Variants in TIMP2 observed in about 807,000 individuals in gnomAD.
The protein encoded by TIMP2 is TIMP metallopeptidase inhibitor 2.
In TIMP2, 5 loss-of-function variants were observed where a neutral mutation model predicts 24.3. The ratio of observed to expected loss-of-function variants is 0.21; its 90% CI spans 0.11 to 0.43. The LOEUF is 0.43. TIMP2 is among the 20% of genes least tolerant of loss of function. The pLI is 1.00. For missense variants in TIMP2, 221 were observed against 297.5 expected (o/e 0.74, Z 1.89); for synonymous variants, 130 against 123.2 (o/e 1.06, Z -0.37).
Position 78,891,554 on chromosome 17 carries a change from C to G in TIMP2, c.131-17635G>C. ...TGGGGACACGGCTTCCCTTCTGCAG[C>G]TGGAATCAGCTGGCCACAGCTGCCC... On this transcript the variant is annotated intron_variant, in intron 1 of 4. Coordinates refer to ENST00000262768, the MANE Select transcript of TIMP2 (RefSeq NM_003255.5). The surrounding 1 kb of genome is among the most constrained non-coding windows in gnomAD (Gnocchi z 4.5). 2 of 1,550,926 alleles carry G rather than the reference C, an allele frequency of 1.3e-6. No homozygotes were observed.
intron 1 of TIMP2, among the ~76,000 whole-genome samples, chr17:78,911,899 A>C (rs574865249): frequency 0.076 from 11,429 of 151,036 alleles, 493 homozygotes; most frequent in Middle Eastern, 0.13. Context: ...CACACCAAAA[A>C]AAAAAAAAAA....
chr17:78,855,365 G>A lies in TIMP2; in HGVS notation c.*302C>T, dbSNP rs543091357. On this transcript the variant is annotated 3_prime_UTR_variant, in exon 5 of 5. Coordinates refer to ENST00000262768, the MANE Select transcript of TIMP2 (RefSeq NM_003255.5). This position sits in a 1 kb window ranked among gnomAD's most constrained non-coding sequence, Gnocchi z 6.0. ...GTGCTGCCTGCTTGGCATCTGTGACGGTGCCAAGGCAGGGACTGGGAGGGA... is the reference window on the plus strand; with the variant it reads ...GTGCTGCCTGCTTGGCATCTGTGACAGTGCCAAGGCAGGGACTGGGAGGGA... The A allele has an allele frequency of 9.9e-5, 43 of 434,950 alleles. No individual in the cohort carries two copies. The East Asian group carries it at 1.6e-3, about 17-fold the overall frequency. The allele number at this position is 434,950 out of a possible 1,614,324, so 26.9% of individuals were successfully genotyped here. A position where few individuals can be genotyped will look rare whatever the true frequency, so the allele number is the denominator to read the frequency against.
intron 1 of TIMP2, among the ~76,000 whole-genome samples, chr17:78,887,935 G>T (rs971790780): frequency 6.6e-6 from 1 of 152,118 alleles, no homozygotes; most frequent in Non-Finnish European, 1.5e-5. Context: ...ACGCGATGAG[G>T]ATATGCTGCA....
intron 1 of TIMP2, among the ~76,000 whole-genome samples, chr17:78,909,918 G>A (rs917817866): frequency 1.3e-5 from 2 of 152,182 alleles, no homozygotes; most frequent in African/African-American, 4.8e-5. Flanking sequence ...ACAACCGGAG[G>A]CGGAGTGTCC....
intron 3 of TIMP2, among the ~76,000 whole-genome samples, chr17:78,865,009 G>A (rs1051588434): frequency 5.9e-5 from 9 of 152,056 alleles, no homozygotes; most frequent in Admixed American, 1.3e-4. Flanking sequence ...AGCCAAGATC[G>A]CGCCACTGCA....
chr17:78,916,888 G>A (rs887051804), intron 1 of TIMP2, among the ~76,000 whole-genome samples: 4 of 152,060 alleles, frequency 2.6e-5, no homozygotes, highest in East Asian at 1.9e-4. Context: ...ACCTTTCCTC[G>A]GGGCTTATCT....
chr17:78,915,918 T>C (rs981844265), intron 1 of TIMP2, among the ~76,000 whole-genome samples: 5 of 152,212 alleles, frequency 3.3e-5, no homozygotes, highest in South Asian at 4.1e-4. Flanking sequence ...GTCTGTACAA[T>C]GGGGATGAGG....
chr17:78,887,670 C>A (rs970990522), intron 1 of TIMP2, among the ~76,000 whole-genome samples: 16 of 150,016 alleles, frequency 1.1e-4, no homozygotes, highest in African/African-American at 3.0e-4. Context: ...CAGGTATGAG[C>A]AAACGCGCCC....
At chr17:78,890,598 A>G (rs762332162) in intron 1 of TIMP2, 1 of 1,528,388 alleles carries the variant, frequency 6.5e-7, no homozygotes, top group Middle Eastern at 1.7e-4. Context: ...TGGCAGCACC[A>G]TTATCAGTGA....
intron 1 of TIMP2, among the ~76,000 whole-genome samples, chr17:78,912,471 G>A (rs1347745000): frequency 2.0e-5 from 3 of 152,292 alleles, no homozygotes; most frequent in South Asian, 2.1e-4. Flanking sequence ...AGGGGGTCTC[G>A]GTACCCACAG....
chr17:78,887,395 ATTTAT>A (rs1423381579), intron 1 of TIMP2, among the ~76,000 whole-genome samples: 2 of 152,018 alleles, frequency 1.3e-5, no homozygotes, highest in Non-Finnish European at 2.9e-5. Flanking sequence ...AAATTTATTT[ATTTAT>A]TTTGAGATGG....
At chr17:78,858,660 A>G (rs971935169) in intron 3 of TIMP2, among the ~76,000 whole-genome samples, 20 of 152,220 alleles carry the variant, frequency 1.3e-4, no homozygotes, top group African/African-American at 4.6e-4. Flanking sequence ...AGCTGGGACT[A>G]TAGGTGTGAA....
rs2070336772 is a variant in TIMP2 at position 78,924,798 on chromosome 17, G to T, written c.130+161C>A. On this transcript the variant is annotated intron_variant, in intron 1 of 4. Transcript: ENST00000262768. The surrounding 1 kb of genome is among the most constrained non-coding windows in gnomAD (Gnocchi z 5.3). The stretch of plus-strand genomic sequence containing the variant: ...GAGGAGGGAGGGGGGAAAGAAAGTC[G>T]GCTCTGGGCGTCCACTTGCAGGATT... Among the ~76,000 whole-genome samples the T allele has an allele frequency of 6.6e-6, 1 of 151,978 alleles. No individual in the cohort carries two copies.
chr17:78,887,033 C>G (rs1159721628), intron 1 of TIMP2, among the ~76,000 whole-genome samples: 1 of 152,052 alleles, frequency 6.6e-6, no homozygotes, highest in Non-Finnish European at 1.5e-5. Context: ...CGAATTTCCT[C>G]TACTTGGCCT....
intron 1 of TIMP2, among the ~76,000 whole-genome samples, chr17:78,921,327 A>G (rs775528572): frequency 1.3e-5 from 2 of 152,244 alleles, no homozygotes; most frequent in Non-Finnish European, 2.9e-5. Flanking sequence ...GGGGATTTGC[A>G]GAGGACAGTT....
chr17:78,882,335 A>G (rs2069787424), intron 1 of TIMP2, among the ~76,000 whole-genome samples: 1 of 152,208 alleles, frequency 6.6e-6, no homozygotes, highest in Non-Finnish European at 1.5e-5. Flanking sequence ...CCTCTGCCCC[A>G]GCCACCCACA....
rs114990207 is a variant in TIMP2 at position 78,873,947 on chromosome 17, G to T, written c.131-28C>A. 8.1e-4 allele frequency: 1,299 copies of T among 1,603,624 alleles called. 4 individuals are homozygous for T. In the African/African-American group the frequency reaches 0.011, roughly 14 times the overall value. On this transcript the variant is annotated intron_variant, in intron 1 of 4. Coordinates refer to ENST00000262768, the MANE Select transcript of TIMP2 (RefSeq NM_003255.5). ...GCAAAACACAAGACACAGAGGTGAG[G>T]AGAGTTCCTGAAACACGCTCCTGGG...
Position 78,890,562 on chromosome 17 carries a change from G to C in TIMP2, c.131-16643C>G, listed in dbSNP as rs2069871609. ...TCTCTGAGGCAATGACGCAAACACA[G>C]ATCTTAGAGACCCGGGTACCAGTGC... On this transcript the variant is annotated intron_variant, in intron 1 of 4. Transcript: ENST00000262768. 4.8e-6 allele frequency: 7 copies of C among 1,450,310 alleles called. No homozygotes were observed. In the East Asian group the frequency reaches 1.7e-4, roughly 36 times the overall value. The allele number at this position is 1,450,310 out of a possible 1,614,324, so 89.8% of individuals were successfully genotyped here. A position where few individuals can be genotyped will look rare whatever the true frequency, so the allele number is the denominator to read the frequency against.
At chr17:78,897,070 G>T in intron 1 of TIMP2, 1 of 890,654 alleles carries the variant, frequency 1.1e-6, no homozygotes, top group Non-Finnish European at 1.3e-6. Context: ...CAGGCAGCGT[G>T]GAAGTGCCAG....
Sources: gnomAD v4.1 joint callset for allele counts (sites outside exome capture counted in the v4.1 genomes callset) on GRCh38, gnomAD v4.1.1 for gene constraint, Gnocchi (gnomAD v3.1) non-coding constraint, MANE v1.5 for transcripts, NCBI Gene and HGNC (gene_info 2026-07-23, HGNC 2026-07-21) for gene names.